Variants in FBXO28 observed in about 807,000 individuals in gnomAD.
FBXO28 encodes F-box protein 28, also known as F-box only protein 28.
FBXO28 carries 8 observed loss-of-function variants against 38.1 expected under a neutral mutation model. The observed-to-expected ratio is 0.21, with a 90% CI of 0.12 to 0.38. The LOEUF (loss-of-function observed/expected upper bound fraction) is 0.38. FBXO28 is among the 10% of genes least tolerant of loss of function. The pLI, the probability that FBXO28 is intolerant of heterozygous loss-of-function variation, is 1.00. For missense variants in FBXO28, 345 were observed against 460.6 expected, an observed-to-expected ratio of 0.75 and a Z score of 2.30; for synonymous variants, 168 against 173.8, an observed-to-expected ratio of 0.97 and a Z score of 0.26.
chr1:224,147,466 G>A (rs1244286569), intron 3 of FBXO28, among the ~76,000 whole-genome samples: 1 of 151,330 alleles, frequency 6.6e-6, no homozygotes, highest in African/African-American at 2.4e-5. Flanking sequence ...AACCACAGCT[G>A]TTTTTAAAAT....
intron 3 of FBXO28, among the ~76,000 whole-genome samples, chr1:224,134,715 C>G (rs1247970125): frequency 6.6e-6 from 1 of 152,184 alleles, no homozygotes; most frequent in African/African-American, 2.4e-5. Flanking sequence ...ACAGAAATAA[C>G]TATATTGTGG....
At chr1:224,151,796 A>C (rs1206651102) in intron 3 of FBXO28, among the ~76,000 whole-genome samples, 2 of 152,140 alleles carry the variant, frequency 1.3e-5, no homozygotes, top group African/African-American at 2.4e-5. Flanking sequence ...TAATCCCAGC[A>C]CTTTGGGAGG....
At chr1:224,141,663 T>C (rs2102625870) in intron 3 of FBXO28, among the ~76,000 whole-genome samples, 1 of 109,272 alleles carries the variant, frequency 9.2e-6, no homozygotes. Context: ...TACAGCATGT[T>C]ACCGTACTGA....
intron 1 of FBXO28, among the ~76,000 whole-genome samples, chr1:224,125,117 T>C (rs1026909794): frequency 1.3e-5 from 2 of 152,004 alleles, no homozygotes; most frequent in Non-Finnish European, 2.9e-5. Flanking sequence ...ATTTTTCTTT[T>C]TTTTTTTTTC....
chr1:224,122,208 AT>A (rs1406701876), intron 1 of FBXO28, among the ~76,000 whole-genome samples: 1 of 152,120 alleles, frequency 6.6e-6, no homozygotes, highest in Non-Finnish European at 1.5e-5. Context: ...AATGGTTGTG[AT>A]TCGTTCATTA....
intron 1 of FBXO28, among the ~76,000 whole-genome samples, chr1:224,121,470 C>T (rs1656775359): frequency 6.6e-6 from 1 of 152,100 alleles, no homozygotes; most frequent in South Asian, 2.1e-4. Flanking sequence ...ACAACACACA[C>T]AATATAGTAA....
rs145711419 is a variant in FBXO28 at position 224,152,130 on chromosome 1, T to C, written c.517-1012T>C. Among the ~76,000 whole-genome samples, 931 of 151,592 alleles carry C rather than the reference T, an allele frequency of 6.1e-3. 7 individuals are homozygous for C. The highest frequency in any genetic ancestry group is 0.01 in the Non-Finnish European group (684 of 67,854). The stretch of plus-strand genomic sequence containing the variant: ...AACCTCACCGAGATGAAAGCTAATA[T>C]CACAAATGCCTAAGGAAGGTTCACT... On this transcript the variant is annotated intron_variant, in intron 3 of 4. Transcript: ENST00000366862.
At chr1:224,135,630 A>G (rs6691884) in intron 3 of FBXO28, among the ~76,000 whole-genome samples, 1,956 of 115,780 alleles carry the variant, frequency 0.017, 32 homozygotes, top group South Asian at 0.035. Flanking sequence ...AAAAAAAAAA[A>G]AAAAAGAAAA....
At chr1:224,134,364 A>G in intron 3 of FBXO28, 152 bp downstream of exon 3, 1 of 579,268 alleles carries the variant, frequency 1.7e-6, no homozygotes, top group Non-Finnish European at 2.8e-6. Context: ...AGTTATAAAT[A>G]TGTATCATTT....
chr1:224,132,537 G>T (rs1350332371), intron 2 of FBXO28, among the ~76,000 whole-genome samples: 4 of 152,106 alleles, frequency 2.6e-5, no homozygotes, highest in Non-Finnish European at 5.9e-5. Context: ...CGGATGTGAT[G>T]GCTCACGCCT....
At chr1:224,130,180 A>G (rs907104336) in intron 1 of FBXO28, among the ~76,000 whole-genome samples, 1 of 152,000 alleles carries the variant, frequency 6.6e-6, no homozygotes, top group Non-Finnish European at 1.5e-5. Context: ...TGTCTTTACT[A>G]AAAATACAAA....
At position 224,159,871 on chromosome 1, in the gene FBXO28, T is replaced by C. The variant is rs1657859994; in HGVS notation, c.*2125T>C. Reference sequence around the variant, plus strand: ...ACTACATCTAGATAGCCTAAACATCTATGTAGTCTTCCATTAGTTAACATG... The same window carrying C: ...ACTACATCTAGATAGCCTAAACATCCATGTAGTCTTCCATTAGTTAACATG... On this transcript the variant is annotated 3_prime_UTR_variant, in exon 5 of 5. Coordinates refer to ENST00000366862, the MANE Select transcript of FBXO28 (RefSeq NM_015176.4). 6.6e-6 allele frequency: 1 copy of C among 152,222 alleles called. No homozygotes were observed. The highest frequency in any genetic ancestry group is 1.5e-5 in the Non-Finnish European group (1 of 68,046). 9.4% of individuals were successfully genotyped at this position (152,222 alleles called of 1,614,324 possible).
rs1657688164 is a variant in FBXO28 at position 224,153,200 on chromosome 1, G to A, written c.575G>A (p.Arg192Gln). 1 of 1,610,054 alleles carries A rather than the reference G, an allele frequency of 6.2e-7. No homozygotes were observed. The highest frequency in any genetic ancestry group is 8.5e-7 in the Non-Finnish European group (1 of 1,178,684). The change falls in exon 4 of 5, where the codon CGA (arginine) becomes CAA (glutamine). Residue 192 changes from arginine to glutamine, a missense_variant. By Grantham distance (43) the Arg-to-Gln change is conservative (BLOSUM62 1). Transcript: ENST00000366862. ...GTCAATTCTACCAGAGCCCCTCAAC[G>A]AGCTCATGAAGTACTTCAAGAATTA... is the stretch of plus-strand genomic sequence containing the variant. ...RYVNSTRAPQ[R>Q]AHEVLQELRD...
chr1:224,133,004 CTGA>C (rs1378449684), intron 2 of FBXO28, among the ~76,000 whole-genome samples: 3 of 152,112 alleles, frequency 2.0e-5, no homozygotes, highest in Non-Finnish European at 4.4e-5. Context: ...TGTCCATCAG[CTGA>C]TGAGCAAACA....
chr1:224,114,233 CG>C lies in FBXO28; in HGVS notation c.105del (p.Ala37ArgfsTer34). On this transcript the variant is annotated frameshift_variant, in exon 1 of 5. Coordinates refer to ENST00000366862, the MANE Select transcript of FBXO28 (RefSeq NM_015176.4). LOFTEE classifies it high-confidence loss of function. ...ASGSTQRQPP[P>X]PAPQHPQPGS... ...GGCTCTACCCAGCGACAGCCTCCACCGCCCGCGCCACAGCACCCGCAGCCGG... is the reference window on the plus strand; with the variant it reads ...GGCTCTACCCAGCGACAGCCTCCACCCCCGCGCCACAGCACCCGCAGCCGG... 1 of 1,551,380 alleles carries C rather than the reference CG, an allele frequency of 6.4e-7. No individual in the cohort carries two copies. Among genetic ancestry groups the C allele is most frequent in the Non-Finnish European group, 8.7e-7 (1 of 1,147,718 alleles).
Position 224,160,706 on chromosome 1 carries a change from G to C in FBXO28, c.*2960G>C, listed in dbSNP as rs902310045. On this transcript the variant is annotated 3_prime_UTR_variant, in exon 5 of 5. Coordinates refer to ENST00000366862, the MANE Select transcript of FBXO28 (RefSeq NM_015176.4). The stretch of plus-strand genomic sequence containing the variant: ...CTATTGGGGTACCATCAGGTCAAAA[G>C]CCACTGATTTGGGAAGCAATTTTTT... 1.3e-5 allele frequency: 2 copies of C among 152,186 alleles called. No individual in the cohort carries two copies. Among genetic ancestry groups the C allele is most frequent in the East Asian group, 3.8e-4 (2 of 5,204 alleles). 9.4% of individuals were successfully genotyped at this position (152,186 alleles called of 1,614,324 possible).
chr1:224,161,410 G>A lies in FBXO28; in HGVS notation c.*3664G>A, dbSNP rs1487621166. ...CAGTCTGAAAGAAAACGTCCTATAC[G>A]ATGCAGTTGTTTGGAAATGGCTGAT... On this transcript the variant is annotated 3_prime_UTR_variant, in exon 5 of 5. Transcript: ENST00000366862. 3 of 152,148 alleles carry A rather than the reference G, an allele frequency of 2.0e-5. No individual in the cohort carries two copies. Among genetic ancestry groups the A allele is most frequent in the Admixed American group, 1.3e-4 (2 of 15,276 alleles). The allele number at this position is 152,148 out of a possible 1,614,324, so 9.4% of individuals were successfully genotyped here.
intron 3 of FBXO28, among the ~76,000 whole-genome samples, chr1:224,136,104 T>TTTTTTTTTTTG (rs1558191345): frequency 8.1e-6 from 1 of 124,214 alleles, no homozygotes; most frequent in African/African-American, 3.1e-5. Context: ...GACTTCAGTT[T>TTTTTTTTTTTG]TTTTTTTTTT....
At chr1:224,141,470 C>CAA (rs35142896) in intron 3 of FBXO28, among the ~76,000 whole-genome samples, 6 of 126,164 alleles carry the variant, frequency 4.8e-5, no homozygotes, top group Non-Finnish European at 3.4e-5. Context: ...GACTGTGTCT[C>CAA]AAAAAAAAAA....
Sources: allele counts gnomAD v4.1 joint callset (sites outside exome capture counted in the v4.1 genomes callset), GRCh38; gene constraint gnomAD v4.1.1; transcripts MANE v1.5; gene names NCBI Gene and HGNC (gene_info 2026-07-23, HGNC 2026-07-21).